PHF5A: variants seen among roughly 807,000 people sequenced by gnomAD.
PHF5A encodes PHD finger protein 5A.
For synonymous variants in PHF5A, 52 were observed against 46.0 expected (o/e 1.13, Z -0.52); for missense variants, 24 against 140.6 (o/e 0.17, Z 4.19).
At chr22:41,463,845 G>A (rs1836734368) in intron 3 of PHF5A, among the ~76,000 whole-genome samples, 1 of 151,332 alleles carries the variant, frequency 6.6e-6, no homozygotes, top group African/African-American at 2.4e-5. Flanking sequence ...AATGAGCCGA[G>A]ATCGTGCCAT....
At chr22:41,467,373 A>G in intron 3 of PHF5A, 75 bp downstream of exon 3, 2 of 1,393,212 alleles carry the variant, frequency 1.4e-6, no homozygotes, top group East Asian at 4.6e-5. Context: ...TCCATAGACC[A>G]TAGGAGATTG....
In PHF5A at chr22:41,468,690, A is replaced by C. The variant is rs2037897917; in HGVS notation, c.-37T>G. 6.3e-7 allele frequency: 1 copy of C among 1,599,240 alleles called. No homozygotes were observed. The highest frequency in any genetic ancestry group is 2.2e-5 in the East Asian group (1 of 44,772). ...AAGCCGGCCACCGGAAGCTTCGGGA[A>C]CTTCCGTCCGACCTTTAACCCCCAT... On this transcript the variant is annotated 5_prime_UTR_variant, in exon 1 of 4. Transcript: ENST00000216252.
chr22:41,465,120 T>C lies in PHF5A; in HGVS notation c.243+2328A>G, dbSNP rs2037855665. ...AGAAAGGTCCAAATCATTATGTTTT[T>C]GGTACTTCAGGACCTTTCTCATCTC... On this transcript the variant is annotated intron_variant, in intron 3 of 3. Coordinates refer to ENST00000216252, the MANE Select transcript of PHF5A (RefSeq NM_032758.4). 3.9e-5 allele frequency among the ~76,000 whole-genome samples: 6 copies of C among 152,290 alleles called. No individual in the cohort carries two copies. The South Asian group carries it at 1.2e-3, about 32-fold the overall frequency.
intron 3 of PHF5A, among the ~76,000 whole-genome samples, chr22:41,466,635 C>T (rs757113502): frequency 5.3e-5 from 8 of 151,988 alleles, no homozygotes; most frequent in African/African-American, 1.2e-4. Flanking sequence ...GTGATCCATC[C>T]GCCTCAGTTT....
intron 3 of PHF5A, among the ~76,000 whole-genome samples, chr22:41,461,149 G>C (rs564385413): frequency 6.6e-6 from 1 of 151,910 alleles, no homozygotes; most frequent in South Asian, 2.1e-4. Context: ...CTCCAGCCTG[G>C]GTAACAAGAG....
chr22:41,465,605 G>A (rs916629915), intron 3 of PHF5A, among the ~76,000 whole-genome samples: 1 of 152,188 alleles, frequency 6.6e-6, no homozygotes, highest in African/African-American at 2.4e-5. Context: ...CATAAGGCCA[G>A]GCGTGATGGC....
chr22:41,468,581 AG>A lies in PHF5A; in HGVS notation c.52+20del. 6.2e-7 allele frequency: 1 copy of A among 1,613,718 alleles called. No homozygotes were observed. Among genetic ancestry groups the A allele is most frequent in the African/African-American group, 1.3e-5 (1 of 75,014 alleles). On this transcript the variant is annotated intron_variant, in intron 1 of 3. Coordinates refer to ENST00000216252, the MANE Select transcript of PHF5A (RefSeq NM_032758.4). ...TAATACCACCCCTGCCCAGACAGCC[AG>A]GGGTAGGGCGCAGTCTCACCAACAC... is the stretch of plus-strand genomic sequence containing the variant.
At chr22:41,463,657 A>G (rs6002386) in intron 3 of PHF5A, among the ~76,000 whole-genome samples, 116,940 of 146,324 alleles carry the variant, frequency 0.8, 47,506 homozygotes, top group East Asian at 0.94. Flanking sequence ...CCCAGGAGGC[A>G]TAGGTTGCAG....
intron 3 of PHF5A, among the ~76,000 whole-genome samples, chr22:41,466,870 C>T (rs536899940): frequency 3.9e-5 from 6 of 151,990 alleles, no homozygotes; most frequent in Admixed American, 1.3e-4. Flanking sequence ...CCTGTAGTCC[C>T]AGCTACTTGG....
intron 3 of PHF5A, among the ~76,000 whole-genome samples, chr22:41,461,393 CTTT>C (rs11445364): frequency 3.4e-5 from 5 of 145,806 alleles, no homozygotes; most frequent in South Asian, 4.3e-4. Flanking sequence ...CTATGAAACT[CTTT>C]TTTTTTTTTT....
At chr22:41,463,905 A>G (rs77955355) in intron 3 of PHF5A, among the ~76,000 whole-genome samples, 1 of 151,884 alleles carries the variant, frequency 6.6e-6, no homozygotes, top group Admixed American at 6.6e-5. Context: ...AAAAAAAAAA[A>G]GAGTCAGACC....
chr22:41,468,573 A>G, intron 1 of PHF5A, 29 bp downstream of exon 1: 1 of 1,611,792 alleles, frequency 6.2e-7, no homozygotes, highest in Non-Finnish European at 8.5e-7. Flanking sequence ...ACCCCTGCCC[A>G]GACAGCCAGG....
intron 3 of PHF5A, among the ~76,000 whole-genome samples, chr22:41,462,387 C>G (rs2037833494): frequency 6.6e-6 from 1 of 152,162 alleles, no homozygotes; most frequent in Admixed American, 6.5e-5. Context: ...TCAACAACTA[C>G]AAAAATCTCT....
In PHF5A at chr22:41,460,483, T is replaced by C. The variant is rs1273604792; in HGVS notation, c.248A>G (p.Asp83Gly). Residue 83 changes from aspartate (D) to glycine (G), a missense_variant, in exon 4 of 4, where the codon GAT becomes GGT. Transcript: ENST00000216252. The stretch of plus-strand genomic sequence containing the variant: ...CAGATTGACAATCTTTGGGCAGCCA[T>C]CTCTCTGGAAAACAGAACAGAGAAG... ...KECTIQEKDR[D>G]GCPKIVNLGS... The C allele has an allele frequency of 1.3e-6, 2 of 1,597,636 alleles. No homozygotes were observed.
At chr22:41,468,386 AC>A in intron 1 of PHF5A, 11 of 422,058 alleles carry the variant, frequency 2.6e-5, no homozygotes, top group Admixed American at 3.7e-5. Flanking sequence ...TTCAGACCCC[AC>A]CCCCCGATAC....
At chr22:41,462,853 C>T (rs2037836045) in intron 3 of PHF5A, among the ~76,000 whole-genome samples, 1 of 151,710 alleles carries the variant, frequency 6.6e-6, no homozygotes, top group Non-Finnish European at 1.5e-5. Context: ...CTGCACAGCT[C>T]TGTTCTTTAC....
chr22:41,467,963 G>A (rs1193136443), intron 2 of PHF5A, 161 bp downstream of exon 2: 4 of 695,272 alleles, frequency 5.8e-6, no homozygotes, highest in Non-Finnish European at 9.8e-6. Flanking sequence ...ATGTGCAAGC[G>A]GCAGTGGGGA....
chr22:41,468,585 G>C lies in PHF5A; in HGVS notation c.52+17C>G. ...ACCACCCCTGCCCAGACAGCCAGGG[G>C]TAGGGCGCAGTCTCACCAACACCAG... is the stretch of plus-strand genomic sequence containing the variant. On this transcript the variant is annotated intron_variant, in intron 1 of 3. Coordinates refer to ENST00000216252, the MANE Select transcript of PHF5A (RefSeq NM_032758.4). 6.2e-7 allele frequency: 1 copy of C among 1,613,956 alleles called. No homozygotes were observed. The highest frequency in any genetic ancestry group is 8.5e-7 in the Non-Finnish European group (1 of 1,179,888).
intron 3 of PHF5A, among the ~76,000 whole-genome samples, chr22:41,463,273 G>GA (rs796574576): frequency 4.5e-4 from 66 of 146,724 alleles, no homozygotes; most frequent in African/African-American, 1.4e-3. Flanking sequence ...GCAATGATGA[G>GA]AAAAAAAAAA....
Sources: allele counts gnomAD v4.1 joint callset (sites outside exome capture counted in the v4.1 genomes callset), GRCh38; gene constraint gnomAD v4.1.1; transcripts MANE v1.5; gene names NCBI Gene and HGNC (gene_info 2026-07-23, HGNC 2026-07-21).